Variants in USP34 observed in about 807,000 individuals in gnomAD.
USP34 encodes ubiquitin specific peptidase 34, also known as ubiquitin carboxyl-terminal hydrolase 34.
A neutral mutation model predicts 460.3 loss-of-function variants in USP34; 70 were observed. The observed-to-expected ratio is 0.15, with a 90% confidence interval of 0.13 to 0.19. The LOEUF is 0.19. USP34 is among the 10% of genes least tolerant of loss of function. The probability of loss-of-function intolerance (pLI) is 1.00; values close to 1 mark genes in which losing one functional copy is unlikely to be tolerated. For synonymous variants in USP34, 1,647 were observed against 1,405.3 expected (o/e 1.17, Z -3.85); for missense variants, 3,985 against 4,236.2 (o/e 0.94, Z 1.65).
At chr2:61,403,568 T>C (rs375059267) in intron 3 of USP34, among the ~76,000 whole-genome samples, 87 of 152,320 alleles carry the variant, frequency 5.7e-4, no homozygotes, top group African/African-American at 2.0e-3. Flanking sequence ...TTTTATATCA[T>C]GTAAGAGATT....
intron 1 of USP34, among the ~76,000 whole-genome samples, chr2:61,437,989 T>C (rs1330599042): frequency 2.0e-5 from 3 of 151,802 alleles, no homozygotes; most frequent in Admixed American, 6.6e-5. Flanking sequence ...TTAATTCTTC[T>C]GAACTCACTC....
At chr2:61,274,697 A>T (rs2103942094) in intron 41 of USP34, among the ~76,000 whole-genome samples, 1 of 152,330 alleles carries the variant, frequency 6.6e-6, no homozygotes, top group African/African-American at 2.4e-5. Context: ...ATCTAAACGT[A>T]TAGTATGTTG....
chr2:61,219,602 C>T (rs1687499539), intron 67 of USP34, among the ~76,000 whole-genome samples: 1 of 150,214 alleles, frequency 6.7e-6, no homozygotes, highest in Non-Finnish European at 1.5e-5. Flanking sequence ...ATTCAACAGG[C>T]AGAGGTTGCA....
At position 61,265,923 on chromosome 2, in the gene USP34, C is replaced by T. The variant is rs780483354; in HGVS notation, c.5617+61G>A. 313 of 1,445,456 alleles carry T rather than the reference C, an allele frequency of 2.2e-4. 1 individual carries two copies. The highest frequency in any genetic ancestry group is 2.7e-4 in the Non-Finnish European group (292 of 1,080,352). 89.5% of individuals were successfully genotyped at this position (1,445,456 alleles called of 1,614,324 possible). ...GCAGATTCTTTTGTTAAACAGTGCC[C>T]TCAAAATCTTATTTCTGAATTCAAA... is the stretch of plus-strand genomic sequence containing the variant. On this transcript the variant is annotated intron_variant, in intron 42 of 79. Transcript: ENST00000398571.
intron 10 of USP34, among the ~76,000 whole-genome samples, chr2:61,365,569 AC>A (rs1572971443): frequency 6.6e-6 from 1 of 152,128 alleles, no homozygotes; most frequent in East Asian, 1.9e-4. Context: ...AGGAAAAAAA[AC>A]CTACTCTGTG....
intron 51 of USP34, among the ~76,000 whole-genome samples, chr2:61,243,697 C>T (rs189085388): frequency 3.7e-4 from 56 of 151,572 alleles, no homozygotes; most frequent in African/African-American, 1.3e-3. Context: ...ATGGTGAAAC[C>T]CCGTCTCCAC....
At chr2:61,308,084 G>C (rs555385550) in intron 27 of USP34, among the ~76,000 whole-genome samples, 1 of 151,884 alleles carries the variant, frequency 6.6e-6, no homozygotes, top group Non-Finnish European at 1.5e-5. Context: ...GTAACAGAAA[G>C]AAAGGGGGAA....
intron 5 of USP34, among the ~76,000 whole-genome samples, chr2:61,392,436 C>A (rs1185948069): frequency 6.6e-6 from 1 of 152,102 alleles, no homozygotes; most frequent in Non-Finnish European, 1.5e-5. Context: ...CCAGCCTGGA[C>A]AACATGGCGA....
intron 64 of USP34, 194 bp from the exon 65 acceptor site, chr2:61,222,857 G>A (rs966712333): frequency 5.9e-6 from 4 of 679,824 alleles, no homozygotes; most frequent in East Asian, 5.5e-5. Flanking sequence ...CACTACACCC[G>A]GCTAGATTTT....
At chr2:61,245,138 C>G in intron 51 of USP34, 72 bp downstream of exon 51, 1 of 1,108,664 alleles carries the variant, frequency 9.0e-7, no homozygotes, top group Non-Finnish European at 1.3e-6. Context: ...AGCGACTCTG[C>G]TATTGGATTT....
intron 48 of USP34, among the ~76,000 whole-genome samples, chr2:61,254,389 T>C (rs1002852880): frequency 6.6e-5 from 10 of 152,222 alleles, no homozygotes; most frequent in Non-Finnish European, 4.4e-5. Context: ...ATCACACAGA[T>C]AAACCTAAAA....
intron 32 of USP34, 56 bp from the exon 33 acceptor site, chr2:61,293,606 T>C: frequency 1.5e-6 from 2 of 1,328,540 alleles, no homozygotes; most frequent in Non-Finnish European, 2.1e-6. Flanking sequence ...AATGCAATAA[T>C]GCTTGTTGAT....
intron 1 of USP34, among the ~76,000 whole-genome samples, chr2:61,466,030 TAGAG>T (rs1695751842): frequency 6.6e-6 from 1 of 151,300 alleles, no homozygotes; most frequent in African/African-American, 2.4e-5. Flanking sequence ...CTGGGAATGG[TAGAG>T]GGAGGGGAGG....
At chr2:61,443,101 A>T (rs952958277) in intron 1 of USP34, among the ~76,000 whole-genome samples, 3 of 152,216 alleles carry the variant, frequency 2.0e-5, no homozygotes, top group Admixed American at 6.5e-5. Context: ...TCATGTAAGT[A>T]AAAAGTAGAA....
At chr2:61,469,966 C>T (rs185508716) in intron 1 of USP34, among the ~76,000 whole-genome samples, 1 of 152,324 alleles carries the variant, frequency 6.6e-6, no homozygotes, top group East Asian at 1.9e-4. Context: ...CCATAACTAT[C>T]CCGGGATGGT....
chr2:61,445,646 A>T (rs1027046606), intron 1 of USP34, among the ~76,000 whole-genome samples: 4 of 151,966 alleles, frequency 2.6e-5, no homozygotes, highest in Non-Finnish European at 4.4e-5. Flanking sequence ...AAATTAACAT[A>T]AACTGTATAA....
intron 2 of USP34, among the ~76,000 whole-genome samples, chr2:61,415,213 G>A (rs1558581204): frequency 6.6e-6 from 1 of 152,114 alleles, no homozygotes; most frequent in Non-Finnish European, 1.5e-5. Context: ...GATCTGAAGA[G>A]AAGGTAGTAA....
chr2:61,202,722 C>T (rs1687011422), intron 75 of USP34, among the ~76,000 whole-genome samples: 1 of 152,182 alleles, frequency 6.6e-6, no homozygotes. Flanking sequence ...AAGCCCACTG[C>T]TCTTGCCATT....
At chr2:61,381,397 T>TG (rs1275355335) in intron 6 of USP34, among the ~76,000 whole-genome samples, 1 of 152,144 alleles carries the variant, frequency 6.6e-6, no homozygotes, top group Non-Finnish European at 1.5e-5. Context: ...GGAGTGCAAT[T>TG]GCTCAATCAG....
Sources: allele counts gnomAD v4.1 joint callset (sites outside exome capture counted in the v4.1 genomes callset), GRCh38; gene constraint gnomAD v4.1.1; transcripts MANE v1.5; gene names NCBI Gene and HGNC (gene_info 2026-07-23, HGNC 2026-07-21).